Variants in ACSM5 observed in about 807,000 individuals in gnomAD.
ACSM5 encodes the protein acyl-CoA synthetase medium chain family member 5, also known as acyl-coenzyme A synthetase ACSM5, mitochondrial.
A neutral mutation model predicts 71.6 loss-of-function variants in ACSM5; 56 were observed. The ratio of observed to expected loss-of-function variants is 0.78; its 90% CI spans 0.63 to 0.98. The LOEUF (loss-of-function observed/expected upper bound fraction) is 0.98. ACSM5 is among the 50% of genes least tolerant of loss of function. ACSM5 has a pLI of 0.00. For synonymous variants in ACSM5, 285 were observed against 281.5 expected, an observed-to-expected ratio of 1.01 and a Z score of -0.12; for missense variants, 723 against 726.0, an observed-to-expected ratio of 1.00 and a Z score of 0.05.
At chr16:20,430,832 G>A (rs12919284) in intron 8 of ACSM5, among the ~76,000 whole-genome samples, 161 bp from the exon 9 acceptor site, 12,780 of 151,090 alleles carry the variant, frequency 0.085, 658 homozygotes, top group East Asian at 0.19. Context: ...GAGGAAGAAT[G>A]GAGAGAAATG....
chr16:20,423,554 A>C (rs764951511), intron 5 of ACSM5, among the ~76,000 whole-genome samples: 18 of 152,230 alleles, frequency 1.2e-4, no homozygotes, highest in Non-Finnish European at 2.1e-4. Context: ...CCCTCAAAGC[A>C]AGACTAATCG....
chr16:20,415,763 G>T (rs1966855145), intron 2 of ACSM5, among the ~76,000 whole-genome samples: 1 of 152,198 alleles, frequency 6.6e-6, no homozygotes, highest in Non-Finnish European at 1.5e-5. Flanking sequence ...ATGATTAAGG[G>T]CTTTGAAACC....
At chr16:20,430,237 T>A (rs1005059774) in intron 8 of ACSM5, among the ~76,000 whole-genome samples, 10 of 144,202 alleles carry the variant, frequency 6.9e-5, no homozygotes, top group Non-Finnish European at 1.5e-4. Flanking sequence ...ACACACACAC[T>A]ACTTATAAAT....
chr16:20,422,719 T>A (rs1469820887), intron 5 of ACSM5, among the ~76,000 whole-genome samples: 1 of 152,164 alleles, frequency 6.6e-6, no homozygotes, highest in African/African-American at 2.4e-5. Context: ...GTAAAGAAGA[T>A]GACCAGTGCA....
At chr16:20,419,565 G>C (rs1264570097) in intron 4 of ACSM5, 130 bp downstream of exon 4, 2 of 843,826 alleles carry the variant, frequency 2.4e-6, no homozygotes, top group Non-Finnish European at 3.8e-6. Context: ...TGGCAGCCAG[G>C]CTGACCTGAG....
At chr16:20,440,181 T>C in intron 13 of ACSM5, 163 bp from the exon 14 acceptor site, 1 of 664,776 alleles carries the variant, frequency 1.5e-6, no homozygotes, top group Non-Finnish European at 2.6e-6. Flanking sequence ...AAAATGATCC[T>C]GTGCTCCAGG....
intron 8 of ACSM5, among the ~76,000 whole-genome samples, chr16:20,430,711 A>G (rs542046395): frequency 1.3e-4 from 20 of 152,052 alleles, no homozygotes; most frequent in Non-Finnish European, 2.1e-4. Context: ...AGAATGAAAA[A>G]AAGGAGGAAA....
rs9932050 is a variant in ACSM5, at chr16:20,430,835, G to C, written c.1126-158G>C. 6.8e-3 allele frequency among the ~76,000 whole-genome samples: 1,014 copies of C among 149,012 alleles called. 8 individuals are homozygous for C. Among genetic ancestry groups the C allele is most frequent in the African/African-American group, 0.024 (971 of 40,744 alleles). ...AAAGAAAGAAGGGAGGAAGAATGGAGAGAAATGGAGAGAGGAGAAGGGAAA... is the reference window on the plus strand; with the variant it reads ...AAAGAAAGAAGGGAGGAAGAATGGACAGAAATGGAGAGAGGAGAAGGGAAA... On this transcript the variant is annotated intron_variant, in intron 8 of 13. Coordinates refer to ENST00000331849, the MANE Select transcript of ACSM5 (RefSeq NM_017888.3).
In ACSM5 at chr16:20,411,503, C is replaced by A; in HGVS notation, c.19C>A (p.His7Asn). 5 of 1,614,134 alleles carry A rather than the reference C, an allele frequency of 3.1e-6. No homozygotes were observed. The highest frequency in any genetic ancestry group is 4.2e-6 in the Non-Finnish European group (5 of 1,180,014). ...CGACTGCATGAGACCATGGCTGAGA[C>A]ACCTAGTCCTCCAGGCACTGAGGAA... is the stretch of plus-strand genomic sequence containing the variant. MRPWLR[H>N]LVLQALRNSR... The change falls in exon 2 of 14, where the codon CAC becomes AAC. Residue 7 changes from histidine (H) to asparagine (N), a missense_variant. Coordinates refer to ENST00000331849, the MANE Select transcript of ACSM5 (RefSeq NM_017888.3).
At chr16:20,427,106 G>T (rs932849232) in intron 6 of ACSM5, among the ~76,000 whole-genome samples, 2 of 151,882 alleles carry the variant, frequency 1.3e-5, no homozygotes, top group African/African-American at 2.4e-5. Flanking sequence ...TTAAAGACCA[G>T]CCTGGCCAGG....
chr16:20,422,232 C>T (rs552321149), intron 5 of ACSM5, among the ~76,000 whole-genome samples: 1 of 152,274 alleles, frequency 6.6e-6, no homozygotes, highest in African/African-American at 2.4e-5. Context: ...CTGCCTCAGC[C>T]TCCCAGATAG....
chr16:20,416,553 C>T (rs1966856743), intron 2 of ACSM5, among the ~76,000 whole-genome samples: 2 of 152,102 alleles, frequency 1.3e-5, no homozygotes, highest in African/African-American at 4.8e-5. Context: ...AGTCTCCTAC[C>T]TGACCCTAAA....
At chr16:20,427,026 G>A (rs1966993623) in intron 6 of ACSM5, among the ~76,000 whole-genome samples, 1 of 139,782 alleles carries the variant, frequency 7.2e-6, no homozygotes, top group African/African-American at 2.6e-5. Context: ...CTGGTGGCCG[G>A]GCACAGTGGT....
At chr16:20,413,536 T>C (rs1227678169) in intron 2 of ACSM5, among the ~76,000 whole-genome samples, 1 of 152,314 alleles carries the variant, frequency 6.6e-6, no homozygotes, top group East Asian at 1.9e-4. Context: ...TTTAGCTTCA[T>C]TGTTGCCTAA....
rs538049767 is a variant in ACSM5 at position 20,417,886 on chromosome 16, C to A, written c.205-173C>A. Among the ~76,000 whole-genome samples the A allele has an allele frequency of 1.6e-4, 24 of 152,270 alleles. 1 individual carries two copies. In the South Asian group the frequency reaches 4.8e-3, roughly 30 times the overall value. On this transcript the variant is annotated intron_variant, in intron 2 of 13. Coordinates refer to ENST00000331849, the MANE Select transcript of ACSM5 (RefSeq NM_017888.3). ...GAGGCAGAGGAAGTGGAAAACAGGG[C>A]AGGTAGGTATAAGGAGGGGAGCAAG... is the stretch of plus-strand genomic sequence containing the variant.
chr16:20,425,977 C>A (rs1004673628), intron 6 of ACSM5, among the ~76,000 whole-genome samples: 22 of 152,266 alleles, frequency 1.4e-4, no homozygotes, highest in African/African-American at 5.1e-4. Context: ...AATGGTAGTT[C>A]TACTTTTAGT....
intron 12 of ACSM5, among the ~76,000 whole-genome samples, chr16:20,438,821 G>A (rs71384452): frequency 0.073 from 11,059 of 151,054 alleles, 741 homozygotes; most frequent in East Asian, 0.19. Flanking sequence ...CAGGCGTGGC[G>A]GTGGGCGCCT....
At chr16:20,414,429 A>G (rs1966852867) in intron 2 of ACSM5, among the ~76,000 whole-genome samples, 1 of 152,188 alleles carries the variant, frequency 6.6e-6, no homozygotes, top group Non-Finnish European at 1.5e-5. Context: ...AGGAATGTGA[A>G]TTGCCTCTGA....
intron 8 of ACSM5, among the ~76,000 whole-genome samples, chr16:20,430,056 G>C (rs1967063874): frequency 6.6e-6 from 1 of 152,134 alleles, no homozygotes; most frequent in Non-Finnish European, 1.5e-5. Flanking sequence ...AAGAAGGTGA[G>C]AGGAGGGGCG....
Sources: allele counts gnomAD v4.1 joint callset (sites outside exome capture counted in the v4.1 genomes callset), GRCh38; gene constraint gnomAD v4.1.1; transcripts MANE v1.5; gene names NCBI Gene and HGNC (gene_info 2026-07-23, HGNC 2026-07-21).